The following KCNJ5 variants were observed in gnomAD, a reference collection of about 807,000 sequenced individuals.
The protein encoded by KCNJ5 is G protein-activated inward rectifier potassium channel 4.
KCNJ5 carries 12 observed loss-of-function variants against 20.2 expected under a neutral mutation model. The observed-to-expected ratio is 0.59, with a 90% CI of 0.38 to 0.96. The LOEUF is 0.96. Among genes scored for constraint, KCNJ5 ranks in the 40% least tolerant of loss-of-function variants. The pLI, the probability that KCNJ5 is intolerant of heterozygous loss-of-function variation, is 0.00. For missense variants in KCNJ5, 449 were observed against 557.6 expected (o/e 0.81, Z 1.96); for synonymous variants, 210 against 213.9 (o/e 0.98, Z 0.16).
At chr11:128,916,271 T>TGGATGGAC (rs1441361678) in intron 2 of KCNJ5, 138 bp from the exon 3 acceptor site, 7 of 707,732 alleles carry the variant, frequency 9.9e-6, no homozygotes, top group Non-Finnish European at 1.8e-5. Flanking sequence ...GATGGATGGA[T>TGGATGGAC]GGATGGATGA....
intron 2 of KCNJ5, 114 bp downstream of exon 2, chr11:128,912,324 C>A: frequency 1.2e-6 from 1 of 812,118 alleles, no homozygotes; most frequent in Non-Finnish European, 2.1e-6. Context: ...GTGGCGCAGG[C>A]AACACATTCA....
At position 128,919,507 on chromosome 11, in the gene KCNJ5, C is replaced by G. The variant is rs1055687487; in HGVS notation, c.*2776C>G. ...GCCAGTTTAAAAGCAAGAAGACTCCCCCTTCACATCCTGAGGAAATCCCCT... is the reference window on the plus strand; with the variant it reads ...GCCAGTTTAAAAGCAAGAAGACTCCGCCTTCACATCCTGAGGAAATCCCCT... On this transcript the variant is annotated 3_prime_UTR_variant, in exon 3 of 3. Transcript: ENST00000529694. The G allele has an allele frequency of 6.6e-6, 1 of 152,280 alleles. No individual in the cohort carries two copies. The highest frequency in any genetic ancestry group is 2.4e-5 in the African/African-American group (1 of 41,464). 9.4% of individuals were successfully genotyped at this position (152,280 alleles called of 1,614,324 possible). A position where few individuals can be genotyped will look rare whatever the true frequency, so the allele number is the denominator to read the frequency against.
intron 1 of KCNJ5, among the ~76,000 whole-genome samples, chr11:128,905,158 G>A (rs935340469): frequency 2.0e-5 from 3 of 152,228 alleles, no homozygotes; most frequent in Non-Finnish European, 4.4e-5. Flanking sequence ...TCCAGGAAGA[G>A]AGACCCGCTG....
At chr11:128,899,688 G>C (rs895515164) in intron 1 of KCNJ5, 7 of 152,198 alleles carry the variant, frequency 4.6e-5, no homozygotes, top group Non-Finnish European at 8.8e-5. Context: ...GAGATGGCAG[G>C]CTTAAAAAGG....
intron 1 of KCNJ5, among the ~76,000 whole-genome samples, chr11:128,894,244 C>T (rs1429631880): frequency 1.3e-5 from 2 of 151,362 alleles, no homozygotes; most frequent in Non-Finnish European, 2.9e-5. Context: ...TGCCAGCAAT[C>T]ATTAATTTTT....
At position 128,916,479 on chromosome 11, in the gene KCNJ5, C is replaced by T. The variant is rs2136003896; in HGVS notation, c.1008C>T (p.Val336=). The change falls in exon 3 of 3, where the codon GTC becomes GTT. Residue 336 remains valine, a synonymous_variant. Transcript: ENST00000529694. Reference sequence around the variant, plus strand: ...TCTGGGGCCACCGATTCACACCAGTCCTCACCTTGGAAAAGGGCTTCTATG... The same window carrying T: ...TCTGGGGCCACCGATTCACACCAGTTCTCACCTTGGAAAAGGGCTTCTATG... The part of the protein sequence containing the change: ...EVLWGHRFTP[V]LTLEKGFYEV... 1 of 1,614,214 alleles carries T rather than the reference C, an allele frequency of 6.2e-7. No homozygotes were observed. The highest frequency in any genetic ancestry group is 1.1e-5 in the South Asian group (1 of 91,080).
Position 128,891,435 on chromosome 11 carries a change from CACACA to C in KCNJ5, c.-296_-292del. ...ACACACACACACACACACACACACA[CACACA>C]CAGAGAGAGAGAGAGAGAGAGAGAG... On this transcript the variant is annotated 5_prime_UTR_variant, in exon 1 of 3. Coordinates refer to ENST00000529694, the MANE Select transcript of KCNJ5 (RefSeq NM_000890.5). 1.2e-5 allele frequency: 1 copy of C among 85,176 alleles called. No individual in the cohort carries two copies. The highest frequency in any genetic ancestry group is 5.1e-4 in the South Asian group (1 of 1,978). The allele number at this position is 85,176 out of a possible 1,614,324, so 5.3% of individuals were successfully genotyped here.
chr11:128,911,286 T>C lies in KCNJ5; in HGVS notation c.13T>C (p.Ser5Pro). 6.2e-7 allele frequency: 1 copy of C among 1,614,008 alleles called. No individual in the cohort carries two copies. Among genetic ancestry groups the C allele is most frequent in the South Asian group, 1.1e-5 (1 of 91,080 alleles). The change falls in exon 2 of 3, where the codon TCT (serine) becomes CCT (proline). Residue 5 changes from serine (S) to proline (P), a missense_variant. This residue lies in a region of KCNJ5 where 203 missense variants were observed against 258.0 expected (regional missense o/e 0.79). Coordinates refer to ENST00000529694, the MANE Select transcript of KCNJ5 (RefSeq NM_000890.5). This position sits in a 1 kb window ranked among gnomAD's most constrained non-coding sequence, Gnocchi z 6.3. ...AAGCATCCCAGCTATGGCTGGCGAT[T>C]CTAGGAATGCCATGAACCAGGACAT... MAGDSRNAMNQDMEI... is the reference protein window; with the variant it reads MAGDPRNAMNQDMEI...
At position 128,911,106 on chromosome 11, in the gene KCNJ5, T is replaced by A; in HGVS notation, c.-10-158T>A. ...GCACCAGGGATACAAAAGAACCCTA[T>A]AAGAGAGTGAGGCCCCTGCCCTTGA... On this transcript the variant is annotated intron_variant, in intron 1 of 2. Transcript: ENST00000529694. This position sits in a 1 kb window ranked among gnomAD's most constrained non-coding sequence, Gnocchi z 6.3. The A allele has an allele frequency of 1.5e-6, 1 of 662,484 alleles. No individual in the cohort carries two copies. The highest frequency in any genetic ancestry group is 2.7e-6 in the Non-Finnish European group (1 of 370,524). The allele number at this position is 662,484 out of a possible 1,614,324, so 41.0% of individuals were successfully genotyped here.
Position 128,917,052 on chromosome 11 carries a change from T to C in KCNJ5, c.*321T>C, listed in dbSNP as rs926444889. ...TCCATGCCCTGGGTCACTTCCTTTT[T>C]TGGGTCTCACAGACCCCTCCAGGGG... On this transcript the variant is annotated 3_prime_UTR_variant, in exon 3 of 3. Transcript: ENST00000529694. 10 of 251,082 alleles carry C rather than the reference T, an allele frequency of 4.0e-5. No individual in the cohort carries two copies. Among genetic ancestry groups the C allele is most frequent in the Non-Finnish European group, 7.7e-5 (10 of 130,580 alleles). The allele number at this position is 251,082 out of a possible 1,614,324, so 15.6% of individuals were successfully genotyped here.
chr11:128,899,681 A>T (rs1271803690), intron 1 of KCNJ5: 1 of 152,238 alleles, frequency 6.6e-6, no homozygotes, highest in Non-Finnish European at 1.5e-5. Context: ...TTTCAAAGAG[A>T]TGGCAGGCTT....
At chr11:128,915,709 C>G (rs968974325) in intron 2 of KCNJ5, among the ~76,000 whole-genome samples, 1 of 152,224 alleles carries the variant, frequency 6.6e-6, no homozygotes. Flanking sequence ...TACATTTCCA[C>G]TATGCTTAGC....
chr11:128,914,249 C>T (rs1944543716), intron 2 of KCNJ5, among the ~76,000 whole-genome samples: 1 of 152,220 alleles, frequency 6.6e-6, no homozygotes, highest in Non-Finnish European at 1.5e-5. Flanking sequence ...CACACCTGAC[C>T]ACTCTCCAAG....
chr11:128,916,701 T>G lies in KCNJ5; in HGVS notation c.1230T>G (p.Gly410=), dbSNP rs772009654. 8.1e-6 allele frequency: 13 copies of G among 1,609,006 alleles called. No homozygotes were observed. In the Admixed American group the frequency reaches 8.5e-5, roughly 10 times the overall value. Residue 410 remains glycine (G), a synonymous_variant, in exon 3 of 3, where the codon GGT becomes GGG. Transcript: ENST00000529694. ...QNEEDEPKGL[G]GSREARGSV ...AAGAAGATGAGCCCAAGGGGCTGGG[T>G]GGGTCCAGGGAGGCCAGGGGCTCGG...
At chr11:128,902,683 T>C (rs776746216) in intron 1 of KCNJ5, 1 of 1,613,466 alleles carries the variant, frequency 6.2e-7, no homozygotes. Context: ...TTTGTTGTCC[T>C]GAGGACTGAC....
intron 1 of KCNJ5, chr11:128,903,562 C>T: frequency 6.3e-7 from 1 of 1,598,980 alleles, no homozygotes; most frequent in Non-Finnish European, 8.6e-7. Context: ...AAATCAGTGG[C>T]TGCTAGTTAG....
At chr11:128,907,980 G>T (rs1944448563) in intron 1 of KCNJ5, among the ~76,000 whole-genome samples, 1 of 152,176 alleles carries the variant, frequency 6.6e-6, no homozygotes, top group African/African-American at 2.4e-5. Context: ...CATCTCCATT[G>T]TCCCTGAAAA....
In KCNJ5 at chr11:128,917,033, C is replaced by A; in HGVS notation, c.*302C>A. 1 of 298,754 alleles carries A rather than the reference C, an allele frequency of 3.3e-6. No individual in the cohort carries two copies. Among genetic ancestry groups the A allele is most frequent in the South Asian group, 7.2e-5 (1 of 13,930 alleles). The allele number at this position is 298,754 out of a possible 1,614,324, so 18.5% of individuals were successfully genotyped here. A position where few individuals can be genotyped will look rare whatever the true frequency, so the allele number is the denominator to read the frequency against. On this transcript the variant is annotated 3_prime_UTR_variant, in exon 3 of 3. Coordinates refer to ENST00000529694, the MANE Select transcript of KCNJ5 (RefSeq NM_000890.5). ...CCGGATGGCATCTGTTCTCTCCATGCCCTGGGTCACTTCCTTTTTTGGGTC... is the reference window on the plus strand; with the variant it reads ...CCGGATGGCATCTGTTCTCTCCATGACCTGGGTCACTTCCTTTTTTGGGTC...
chr11:128,898,181 T>C (rs1026864969), intron 1 of KCNJ5, among the ~76,000 whole-genome samples: 1 of 152,244 alleles, frequency 6.6e-6, no homozygotes, highest in African/African-American at 2.4e-5. Context: ...TTTATCTATA[T>C]CTATAAAAAA....
Sources: gnomAD v4.1 joint callset for allele counts (sites outside exome capture counted in the v4.1 genomes callset) on GRCh38, gnomAD v4.1.1 for gene constraint, gnomAD v4.1.1 regional missense constraint, Gnocchi (gnomAD v3.1) non-coding constraint, MANE v1.5 for transcripts, NCBI Gene and HGNC (gene_info 2026-07-23, HGNC 2026-07-21) for gene names.